Variants in ZNF385B observed in about 807,000 individuals in gnomAD.
The protein encoded by ZNF385B is zinc finger protein 533.
In ZNF385B, 23 loss-of-function variants were observed where a neutral mutation model predicts 39.2. The observed-to-expected ratio is 0.59, with a 90% CI of 0.42 to 0.83. ZNF385B has a LOEUF of 0.83. Ranked by LOEUF, ZNF385B falls within the 40% of genes least tolerant of loss-of-function variation. The pLI, the probability that ZNF385B is intolerant of heterozygous loss-of-function variation, is 0.00. For synonymous variants in ZNF385B, 205 were observed against 222.6 expected (o/e 0.92, Z 0.70); for missense variants, 552 against 598.9 (o/e 0.92, Z 0.82).
intron 1 of ZNF385B, among the ~76,000 whole-genome samples, chr2:179,797,858 C>T (rs1266913717): frequency 1.3e-5 from 2 of 152,102 alleles, no homozygotes; most frequent in Non-Finnish European, 2.9e-5. Context: ...GTGGTCATTA[C>T]CTCAATCTGT....
intron 3 of ZNF385B, among the ~76,000 whole-genome samples, chr2:179,594,449 G>A (rs1016510791): frequency 4.6e-5 from 7 of 152,234 alleles, no homozygotes; most frequent in Middle Eastern, 6.8e-3. Flanking sequence ...TTACAGCAGG[G>A]AAGAGACTGT....
At chr2:179,558,727 A>G (rs2061122926) in intron 3 of ZNF385B, among the ~76,000 whole-genome samples, 1 of 152,050 alleles carries the variant, frequency 6.6e-6, no homozygotes, top group Non-Finnish European at 1.5e-5. Flanking sequence ...GTGTTCATAA[A>G]AAATTCTAGT....
At chr2:179,797,659 T>G (rs563376808) in intron 1 of ZNF385B, among the ~76,000 whole-genome samples, 1 of 152,274 alleles carries the variant, frequency 6.6e-6, no homozygotes, top group Non-Finnish European at 1.5e-5. Context: ...ACAGGCTAGG[T>G]TTTGCTGATT....
chr2:179,771,729 C>A (rs1704023829), intron 1 of ZNF385B, among the ~76,000 whole-genome samples: 3 of 152,096 alleles, frequency 2.0e-5, no homozygotes, highest in Non-Finnish European at 2.9e-5. Context: ...TAGTTATGTT[C>A]AAATATCTAT....
At chr2:179,844,867 A>G (rs1042511634) in intron 1 of ZNF385B, among the ~76,000 whole-genome samples, 2 of 152,234 alleles carry the variant, frequency 1.3e-5, no homozygotes, top group Non-Finnish European at 2.9e-5. Context: ...GGGTAAAATC[A>G]TAACTCTCTC....
At chr2:179,597,487 A>G (rs1407721366) in intron 3 of ZNF385B, among the ~76,000 whole-genome samples, 1 of 152,206 alleles carries the variant, frequency 6.6e-6, no homozygotes, top group Non-Finnish European at 1.5e-5. Context: ...CAATGACTGC[A>G]TATACAAAGT....
rs185784628 is a variant in ZNF385B, at chr2:179,720,407, G to A, written c.298+49096C>T. 7.0e-3 allele frequency among the ~76,000 whole-genome samples: 1,000 copies of A among 143,472 alleles called. 15 individuals are homozygous for A. The highest frequency in any genetic ancestry group is 0.024 in the African/African-American group (942 of 38,616). 94.1% of individuals were successfully genotyped at this position (143,472 alleles called of 152,430 possible). Reference sequence around the variant, plus strand: ...GGAAAAGAGAGCAGGGGAGAGGGGAGGGGAGGAGGGGAGGGGAAAGGAAAG... The same window carrying A: ...GGAAAAGAGAGCAGGGGAGAGGGGAAGGGAGGAGGGGAGGGGAAAGGAAAG... On this transcript the variant is annotated intron_variant, in intron 3 of 9. Transcript: ENST00000410066.
chr2:179,676,979 T>G (rs1351751021), intron 3 of ZNF385B, among the ~76,000 whole-genome samples: 1 of 152,098 alleles, frequency 6.6e-6, no homozygotes, highest in African/African-American at 2.4e-5. Flanking sequence ...TAAAATGCAA[T>G]GAACACACAC....
chr2:179,843,578 C>G (rs1282443552), intron 1 of ZNF385B, among the ~76,000 whole-genome samples: 1 of 152,218 alleles, frequency 6.6e-6, no homozygotes, highest in East Asian at 1.9e-4. Flanking sequence ...CTCTCTTTTC[C>G]AAATCTTCAA....
chr2:179,570,032 G>T (rs1314949613), intron 3 of ZNF385B, among the ~76,000 whole-genome samples: 1 of 152,162 alleles, frequency 6.6e-6, no homozygotes, highest in Non-Finnish European at 1.5e-5. Context: ...TGGCAAATGA[G>T]GTATTCTGAG....
intron 4 of ZNF385B, among the ~76,000 whole-genome samples, chr2:179,530,378 C>A (rs1387903883): frequency 6.6e-6 from 1 of 152,090 alleles, no homozygotes; most frequent in East Asian, 1.9e-4. Context: ...TGCTAAATCT[C>A]CAAATCCAAA....
intron 3 of ZNF385B, among the ~76,000 whole-genome samples, chr2:179,606,232 T>C (rs1688790260): frequency 6.6e-6 from 1 of 152,054 alleles, no homozygotes; most frequent in South Asian, 2.1e-4. Flanking sequence ...AAGACTGGAA[T>C]TTGAAGTAGA....
At chr2:179,859,491 T>A (rs1684870033) in intron 1 of ZNF385B, among the ~76,000 whole-genome samples, 1 of 152,188 alleles carries the variant, frequency 6.6e-6, no homozygotes, top group Non-Finnish European at 1.5e-5. Context: ...ATCACCAAGA[T>A]GATTCCAACA....
chr2:179,768,297 A>G (rs1703821996), intron 3 of ZNF385B, among the ~76,000 whole-genome samples: 2 of 152,186 alleles, frequency 1.3e-5, no homozygotes, highest in South Asian at 4.1e-4. Context: ...AAATGAATAC[A>G]CCTTGGAATA....
At chr2:179,700,968 G>C (rs930458976) in intron 3 of ZNF385B, among the ~76,000 whole-genome samples, 1 of 152,144 alleles carries the variant, frequency 6.6e-6, no homozygotes, top group African/African-American at 2.4e-5. Context: ...AGCCGAGATC[G>C]TGCCACTGCA....
chr2:179,824,556 T>C (rs1305944083), intron 1 of ZNF385B, among the ~76,000 whole-genome samples: 1 of 152,178 alleles, frequency 6.6e-6, no homozygotes, highest in Non-Finnish European at 1.5e-5. Context: ...CCTAATGCAA[T>C]ACATTTCAAA....
At chr2:179,521,066 A>G (rs1469327981) in intron 4 of ZNF385B, among the ~76,000 whole-genome samples, 1 of 126,042 alleles carries the variant, frequency 7.9e-6, no homozygotes, top group Non-Finnish European at 1.7e-5. Flanking sequence ...AGACTATTGT[A>G]TCTATTGACA....
At chr2:179,791,356 C>T (rs573398373) in intron 1 of ZNF385B, among the ~76,000 whole-genome samples, 1 of 152,292 alleles carries the variant, frequency 6.6e-6, no homozygotes, top group South Asian at 2.1e-4. Flanking sequence ...CTTTTGAAGA[C>T]TTATCTGAAA....
intron 1 of ZNF385B, among the ~76,000 whole-genome samples, chr2:179,787,660 A>G (rs1390895067): frequency 2.6e-5 from 4 of 152,128 alleles, no homozygotes; most frequent in Non-Finnish European, 4.4e-5. Context: ...CTCCTCTTCA[A>G]CTCGTTGAAA....
Sources: gnomAD v4.1 joint callset for allele counts (sites outside exome capture counted in the v4.1 genomes callset) on GRCh38, gnomAD v4.1.1 for gene constraint, MANE v1.5 for transcripts, NCBI Gene and HGNC (gene_info 2026-07-23, HGNC 2026-07-21) for gene names.